Variants in HOXA10 observed in about 807,000 individuals in gnomAD.
HOXA10 encodes homeobox A10.
A neutral mutation model predicts 29.7 loss-of-function variants in HOXA10; 12 were observed. That is an observed-to-expected ratio of 0.40 (90% CI 0.26 to 0.65). HOXA10 has a LOEUF of 0.65. HOXA10 is among the 30% of genes least tolerant of loss of function. HOXA10 has a pLI of 0.37. For synonymous variants in HOXA10, 327 were observed against 280.7 expected, an observed-to-expected ratio of 1.16 and a Z score of -1.65; for missense variants, 656 against 585.9, an observed-to-expected ratio of 1.12 and a Z score of -1.24.
Position 27,173,524 on chromosome 7 carries a change from G to C in HOXA10, c.783C>G (p.Ala261=), listed in dbSNP as rs1279432875. Residue 261 remains alanine, a synonymous_variant, in exon 1 of 2, where the codon GCC becomes GCG. Coordinates refer to ENST00000283921, the MANE Select transcript of HOXA10 (RefSeq NM_018951.4). The part of the protein sequence containing the change: ...DLPPALASGS[A]DAARKERALD... ...GGGCTCGCTCCTTCCGGGCCGCATC[G>C]GCCGAGCCGGAGGCTAGCGCGGGCG... 5 of 1,459,066 alleles carry C rather than the reference G, an allele frequency of 3.4e-6. No homozygotes were observed. In the African/African-American group the frequency reaches 6.0e-5, roughly 17 times the overall value. 90.4% of individuals were successfully genotyped at this position (1,459,066 alleles called of 1,614,324 possible).
chr7:27,173,711 C>A lies in HOXA10; in HGVS notation c.596G>T (p.Gly199Val). 6.3e-7 allele frequency: 1 copy of A among 1,577,146 alleles called. No homozygotes were observed. Among genetic ancestry groups the A allele is most frequent in the East Asian group, 2.4e-5 (1 of 42,446 alleles). ...CCCGCTGGAGGTGCCCAGGGCGCAGCCGTCGGGCGGCGGGCCCCGCGGGAA... is the reference window on the plus strand; with the variant it reads ...CCCGCTGGAGGTGCCCAGGGCGCAGACGTCGGGCGGCGGGCCCCGCGGGAA... ...APFPRGPPPD[G>V]CALGTSSGVP... The change falls in exon 1 of 2, where the codon GGC (glycine) becomes GTC (valine). Residue 199 changes from glycine to valine, a missense_variant. Coordinates refer to ENST00000283921, the MANE Select transcript of HOXA10 (RefSeq NM_018951.4).
At chr7:27,177,570 G>A (rs191335647), upstream of HOXA10, among the ~76,000 whole-genome samples, 1 of 152,222 alleles carries the variant, frequency 6.6e-6, no homozygotes, top group Admixed American at 6.5e-5. Flanking sequence ...ATCCCTGACC[G>A]ACCCCCAAGG....
rs1562509987 is a variant in HOXA10 at position 27,172,379 on chromosome 7, C to T, written c.959-206G>A. ...GAGTGGGCCTTCAATCTACATGACCCTTCCAATTTACATTTCCCCCACTTT... is the reference window on the plus strand; with the variant it reads ...GAGTGGGCCTTCAATCTACATGACCTTTCCAATTTACATTTCCCCCACTTT... On this transcript the variant is annotated intron_variant, in intron 1 of 1. Coordinates refer to ENST00000283921, the MANE Select transcript of HOXA10 (RefSeq NM_018951.4). 1.3e-5 allele frequency: 8 copies of T among 607,538 alleles called. No homozygotes were observed. In the East Asian group the frequency reaches 2.2e-4, roughly 17 times the overall value. The allele number at this position is 607,538 out of a possible 1,614,324, so 37.6% of individuals were successfully genotyped here.
At position 27,171,103 on chromosome 7, in the gene HOXA10, A is replaced by G. The variant is rs1455359585; in HGVS notation, c.*796T>C. On this transcript the variant is annotated 3_prime_UTR_variant, in exon 2 of 2. Coordinates refer to ENST00000283921, the MANE Select transcript of HOXA10 (RefSeq NM_018951.4). ...CACTAATTCCAAATGCATAAACAAA[A>G]CTACATTATTTATCTACAGCCAGAA... 1 of 449,620 alleles carries G rather than the reference A, an allele frequency of 2.2e-6. No individual in the cohort carries two copies. The highest frequency in any genetic ancestry group is 4.4e-6 in the Non-Finnish European group (1 of 225,674). 27.9% of individuals were successfully genotyped at this position (449,620 alleles called of 1,614,324 possible). A position where few individuals can be genotyped will look rare whatever the true frequency, so the allele number is the denominator to read the frequency against.
In HOXA10 at chr7:27,170,775, A is replaced by T; in HGVS notation, c.*1124T>A. On this transcript the variant is annotated 3_prime_UTR_variant, in exon 2 of 2. Transcript: ENST00000283921. The stretch of plus-strand genomic sequence containing the variant: ...CTTAAAACAAGATTGGCAATTCTTC[A>T]TAATAATAGACATTTATACAGATTT... 2.2e-6 allele frequency: 1 copy of T among 450,330 alleles called. No homozygotes were observed. The allele number at this position is 450,330 out of a possible 1,614,324, so 27.9% of individuals were successfully genotyped here.
chr7:27,179,310 CTTT>C (rs10634973), upstream of HOXA10, among the ~76,000 whole-genome samples: 10 of 141,572 alleles, frequency 7.1e-5, no homozygotes, highest in Non-Finnish European at 1.5e-5. Context: ...CCGCGATCAC[CTTT>C]TTTTTTTTTT....
chr7:27,178,941 T>A (rs527549409), upstream of HOXA10, among the ~76,000 whole-genome samples: 1 of 152,354 alleles, frequency 6.6e-6, no homozygotes, highest in South Asian at 2.1e-4. Context: ...CGGTTCCAGC[T>A]TTTTAAAAAA....
At position 27,171,481 on chromosome 7, in the gene HOXA10, C is replaced by A. The variant is rs1481875907; in HGVS notation, c.*418G>T. The A allele has an allele frequency of 2.2e-6, 1 of 459,158 alleles. No homozygotes were observed. The highest frequency in any genetic ancestry group is 4.3e-6 in the Non-Finnish European group (1 of 230,164). The allele number at this position is 459,158 out of a possible 1,614,324, so 28.4% of individuals were successfully genotyped here. On this transcript the variant is annotated 3_prime_UTR_variant, in exon 2 of 2. Coordinates refer to ENST00000283921, the MANE Select transcript of HOXA10 (RefSeq NM_018951.4). The stretch of plus-strand genomic sequence containing the variant: ...GGCGGCTCCTTTGCACCATTGACCT[C>A]AGGCCAGACACCTCAGCGCCAACAA...
rs1478008318 is a variant in HOXA10 at position 27,171,017 on chromosome 7, G to A, written c.*882C>T. 8.8e-6 allele frequency: 4 copies of A among 453,580 alleles called. No homozygotes were observed. The Admixed American group carries it at 9.4e-5, about 11-fold the overall frequency. 28.1% of individuals were successfully genotyped at this position (453,580 alleles called of 1,614,324 possible). Reference sequence around the variant, plus strand: ...TAAAAAAACAACTTCACAAGATAGGGAGAATTGTGGTGTGCTTGTCACATG... The same window carrying A: ...TAAAAAAACAACTTCACAAGATAGGAAGAATTGTGGTGTGCTTGTCACATG... On this transcript the variant is annotated 3_prime_UTR_variant, in exon 2 of 2. Transcript: ENST00000283921.
At chr7:27,179,714 T>C in exon 1 of HOXA10, 1 of 766,244 alleles carries the variant, frequency 1.3e-6, no homozygotes, top group Non-Finnish European at 2.4e-6. Context: ...TCGCGAGGCC[T>C]AGCGAATGCG....
At chr7:27,176,439 G>C (rs1246606736), upstream of HOXA10, among the ~76,000 whole-genome samples, 1 of 152,216 alleles carries the variant, frequency 6.6e-6, no homozygotes, top group South Asian at 2.1e-4. Context: ...TTAGCTTCCC[G>C]GATCTGCCTG....
Position 27,171,431 on chromosome 7 carries a change from A to T in HOXA10, c.*468T>A, listed in dbSNP as rs916902294. ...TGTATCCCCTGATTAAACACAGCACAGCACTCCAGGCAGACATGCCCGGTG... is the reference window on the plus strand; with the variant it reads ...TGTATCCCCTGATTAAACACAGCACTGCACTCCAGGCAGACATGCCCGGTG... On this transcript the variant is annotated 3_prime_UTR_variant, in exon 2 of 2. Coordinates refer to ENST00000283921, the MANE Select transcript of HOXA10 (RefSeq NM_018951.4). 16 of 455,776 alleles carry T rather than the reference A, an allele frequency of 3.5e-5. No individual in the cohort carries two copies. Among genetic ancestry groups the T allele is most frequent in the African/African-American group, 8.0e-5 (4 of 50,092 alleles). The allele number at this position is 455,776 out of a possible 1,614,324, so 28.2% of individuals were successfully genotyped here.
Position 27,173,885 on chromosome 7 carries a change from G to T in HOXA10, c.422C>A (p.Pro141Gln), listed in dbSNP as rs200948705. Reference sequence around the variant, plus strand: ...CTGGGGTGGTTGCGGCGGGGGCGGCGGCTGCTGCTGGGGCGGCGGCGGCGG... The same window carrying T: ...CTGGGGTGGTTGCGGCGGGGGCGGCTGCTGCTGCTGGGGCGGCGGCGGCGG... ...DGPPPPPQQQ[P>Q]PPPPQPPQPA... Residue 141 changes from proline to glutamine, a missense_variant, in exon 1 of 2, where the codon CCG becomes CAG. This residue lies in a region of HOXA10 where 594 missense variants were observed against 491.9 expected (regional missense o/e 1.21). Transcript: ENST00000283921. The T allele has an allele frequency of 2.0e-5, 32 of 1,562,888 alleles. No individual in the cohort carries two copies. The highest frequency in any genetic ancestry group is 1.8e-4 in the Middle Eastern group (1 of 5,694).
At chr7:27,179,699 GA>G in exon 1 of HOXA10, 1 of 773,990 alleles carries the variant, frequency 1.3e-6, no homozygotes, top group Non-Finnish European at 2.4e-6. Flanking sequence ...TCCGCGCGGC[GA>G]CGCTCGCGAG....
chr7:27,178,555 G>C (rs111336179), upstream of HOXA10, among the ~76,000 whole-genome samples: 1,137 of 152,336 alleles, frequency 7.5e-3, 9 homozygotes, highest in Middle Eastern at 0.037. Context: ...TAGAACTGGA[G>C]GCGGCTCTGG....
chr7:27,178,439 A>G (rs757056714), upstream of HOXA10, among the ~76,000 whole-genome samples: 1 of 152,258 alleles, frequency 6.6e-6, no homozygotes, highest in African/African-American at 2.4e-5. Flanking sequence ...TCTAAATCCA[A>G]CCATTAAGAT....
chr7:27,178,462 G>C (rs1783692465), upstream of HOXA10, among the ~76,000 whole-genome samples: 1 of 152,230 alleles, frequency 6.6e-6, no homozygotes, highest in Admixed American at 6.5e-5. Context: ...CCCTTCCCCT[G>C]TTAGGGAAGT....
Position 27,172,220 on chromosome 7 carries a change from C to T in HOXA10, c.959-47G>A, listed in dbSNP as rs373824448. ...AGGGGATGATTAAGTCGAGGCCACA[C>T]GGGCTGCCCGCGGGGGTGAATTGCC... On this transcript the variant is annotated intron_variant, in intron 1 of 1. Transcript: ENST00000283921. The T allele has an allele frequency of 1.1e-5, 17 of 1,596,814 alleles. No individual in the cohort carries two copies. In the African/African-American group the frequency reaches 1.5e-4, roughly 14 times the overall value.
At chr7:27,176,744 G>T (rs188189655), upstream of HOXA10, among the ~76,000 whole-genome samples, 1 of 152,378 alleles carries the variant, frequency 6.6e-6, no homozygotes, top group African/African-American at 2.4e-5. Flanking sequence ...GGAAGGTCCA[G>T]TATATATTTG....
Sources: gnomAD v4.1 joint callset for allele counts (sites outside exome capture counted in the v4.1 genomes callset) on GRCh38, gnomAD v4.1.1 for gene constraint, gnomAD v4.1.1 regional missense constraint, MANE v1.5 for transcripts, NCBI Gene and HGNC (gene_info 2026-07-23, HGNC 2026-07-21) for gene names.